Variants in SHISA9 observed in about 807,000 individuals in gnomAD.
SHISA9 encodes shisa family member 9.
In SHISA9, 13 loss-of-function variants were observed where a neutral mutation model predicts 38.0. That is an observed-to-expected ratio of 0.34 (90% CI 0.22 to 0.54). The LOEUF is 0.54. Ranked by LOEUF, SHISA9 falls within the 20% of genes least tolerant of loss-of-function variation. SHISA9 has a pLI of 0.91. For missense variants in SHISA9, 538 were observed against 575.8 expected (o/e 0.93, Z 0.67); for synonymous variants, 275 against 242.0 (o/e 1.14, Z -1.27).
Position 13,240,305 on chromosome 16 carries a change from A to G in SHISA9, c.*4896A>G, listed in dbSNP as rs939837578. ...TTATGATACGAATAATTCTTCCTAC[A>G]ATGAAGAAAAAAACACATTTGTTTG... is the stretch of plus-strand genomic sequence containing the variant. On this transcript the variant is annotated 3_prime_UTR_variant, in exon 5 of 5. Coordinates refer to ENST00000558583, the MANE Select transcript of SHISA9 (RefSeq NM_001145204.3). 1 of 152,256 alleles carries G rather than the reference A, an allele frequency of 6.6e-6. No homozygotes were observed. The highest frequency in any genetic ancestry group is 2.4e-5 in the African/African-American group (1 of 41,470). The allele number at this position is 152,256 out of a possible 1,614,324, so 9.4% of individuals were successfully genotyped here.
At chr16:13,434,583 A>G in the SHISA9 span, among the ~76,000 whole-genome samples, 1 of 151,758 alleles carries the variant, frequency 6.6e-6, no homozygotes, top group African/African-American at 2.4e-5. Flanking sequence ...AAGCCCAGCT[A>G]ATTTTTTTGT....
At chr16:13,222,505 GAC>G (rs1484092954) in intron 4 of SHISA9, among the ~76,000 whole-genome samples, 1 of 152,138 alleles carries the variant, frequency 6.6e-6, no homozygotes, top group Non-Finnish European at 1.5e-5. Context: ...GCAGAAATAG[GAC>G]ACATCACTTT....
intron 2 of SHISA9, among the ~76,000 whole-genome samples, chr16:13,132,269 G>A (rs2050312676): frequency 6.6e-6 from 1 of 152,160 alleles, no homozygotes; most frequent in Admixed American, 6.5e-5. Flanking sequence ...CCAGAAGACT[G>A]TCGGATGAGA....
At chr16:13,325,692 A>T in the SHISA9 span, among the ~76,000 whole-genome samples, 1 of 152,148 alleles carries the variant, frequency 6.6e-6, no homozygotes, top group African/African-American at 2.4e-5. Context: ...CTAAGATGCA[A>T]TCCTTACGCC....
Position 13,235,279 on chromosome 16 carries a change from C to T in SHISA9, c.1145C>T (p.Ala382Val), listed in dbSNP as rs1230392995. The stretch of plus-strand genomic sequence containing the variant: ...AACGAGCAGTCCCTCCGGCGGCAGG[C>T]TTACAGCAACAAGGGCAAGCTTGGC... ...DPNEQSLRRQAYSNKGKLGTA... is the reference protein window; with the variant it reads ...DPNEQSLRRQVYSNKGKLGTA... Residue 382 changes from alanine (A) to valine (V), a missense_variant, in exon 5 of 5, where the codon GCT (alanine) becomes GTT (valine). This residue lies in a region of SHISA9 where 326 missense variants were observed against 305.9 expected (regional missense o/e 1.07). Transcript: ENST00000558583. 1 of 1,551,496 alleles carries T rather than the reference C, an allele frequency of 6.4e-7. No homozygotes were observed. The highest frequency in any genetic ancestry group is 8.7e-7 in the Non-Finnish European group (1 of 1,147,028).
chr16:12,902,654 C>T (rs1391048584), intron 1 of SHISA9, 27 bp downstream of exon 1: 6 of 1,514,532 alleles, frequency 4.0e-6, no homozygotes, highest in East Asian at 2.5e-5. Context: ...TCGCCCTCCC[C>T]TCGGGGCTTC....
Position 12,973,441 on chromosome 16 carries a change from A to G in SHISA9, c.691+56626A>G, listed in dbSNP as rs149502964. Among the ~76,000 whole-genome samples, 582 of 152,330 alleles carry G rather than the reference A, an allele frequency of 3.8e-3. 2 individuals are homozygous for G. The highest frequency in any genetic ancestry group is 0.013 in the African/African-American group (547 of 41,572). On this transcript the variant is annotated intron_variant, in intron 2 of 4. Coordinates refer to ENST00000558583, the MANE Select transcript of SHISA9 (RefSeq NM_001145204.3). ...TAACTTCCATAAAGATATAGGCTAC[A>G]GACTACGCTAGTTAATTCCATTTGG...
At chr16:13,065,254 A>AT (rs986702481) in intron 2 of SHISA9, among the ~76,000 whole-genome samples, 1 of 151,442 alleles carries the variant, frequency 6.6e-6, no homozygotes, top group Non-Finnish European at 1.5e-5. Flanking sequence ...CTTATCACTG[A>AT]TTTTTCTCTC....
chr16:13,542,880 G>T, the SHISA9 span, among the ~76,000 whole-genome samples: 6 of 152,184 alleles, frequency 3.9e-5, no homozygotes, highest in South Asian at 2.1e-4. Flanking sequence ...CATCCCACAG[G>T]TTGGCTTTAC....
At chr16:13,342,893 A>G in the SHISA9 span, among the ~76,000 whole-genome samples, 1 of 152,200 alleles carries the variant, frequency 6.6e-6, no homozygotes, top group Non-Finnish European at 1.5e-5. Context: ...AAACCACAAC[A>G]GAGAAAAACC....
At chr16:12,960,180 C>G (rs11648103) in intron 2 of SHISA9, among the ~76,000 whole-genome samples, 29,339 of 152,208 alleles carry the variant, frequency 0.19, 3,480 homozygotes, top group Middle Eastern at 0.35. Flanking sequence ...ATTATCTCCA[C>G]TTAGACTGCA....
At chr16:13,458,543 C>T in the SHISA9 span, 2 of 426,460 alleles carry the variant, frequency 4.7e-6, no homozygotes, top group Admixed American at 6.0e-5. Flanking sequence ...GTAAAATTAA[C>T]AAATCAAAAT....
At chr16:13,089,189 T>G (rs2073747060) in intron 2 of SHISA9, among the ~76,000 whole-genome samples, 1 of 152,262 alleles carries the variant, frequency 6.6e-6, no homozygotes, top group African/African-American at 2.4e-5. Flanking sequence ...GATGTGCTGC[T>G]GAATTTGGTT....
chr16:13,503,063 G>A, the SHISA9 span, among the ~76,000 whole-genome samples: 2 of 152,114 alleles, frequency 1.3e-5, no homozygotes, highest in Non-Finnish European at 2.9e-5. Context: ...AGTTCTCAAA[G>A]GGAAGGATAT....
rs1227139524 is a variant in SHISA9 at position 13,019,884 on chromosome 16, C to CTTTCT, written c.691+103071_691+103072insTCTTT. On this transcript the variant is annotated intron_variant, in intron 2 of 4. Transcript: ENST00000558583. Reference sequence around the variant, plus strand: ...CCTCCCTCCCTCCCTCCCTCCCTCCCTTCTTTCTTTCTTTCTTTCTTTCTT... The same window carrying CTTTCT: ...CCTCCCTCCCTCCCTCCCTCCCTCCCTTTCTTTCTTTCTTTCTTTCTTTCTTTCTT... 3.4e-3 allele frequency among the ~76,000 whole-genome samples: 72 copies of CTTTCT among 20,912 alleles called. 11 individuals are homozygous for CTTTCT. Among genetic ancestry groups the CTTTCT allele is most frequent in the Non-Finnish European group, 4.9e-3 (52 of 10,664 alleles). The allele number at this position is 20,912 out of a possible 152,430, so 13.7% of individuals were successfully genotyped here.
chr16:13,160,853 C>T (rs1033714205), intron 2 of SHISA9, among the ~76,000 whole-genome samples: 9 of 152,182 alleles, frequency 5.9e-5, no homozygotes, highest in African/African-American at 2.2e-4. Context: ...TCTGCTGCGT[C>T]TGGCTGAGAC....
At chr16:12,927,560 G>A (rs1325706769) in intron 2 of SHISA9, among the ~76,000 whole-genome samples, 3 of 151,746 alleles carry the variant, frequency 2.0e-5, no homozygotes, top group Non-Finnish European at 4.4e-5. Flanking sequence ...AATCATGTCA[G>A]CTAATTTTTT....
intron 2 of SHISA9, among the ~76,000 whole-genome samples, chr16:12,960,561 A>G (rs1162495237): frequency 6.6e-6 from 1 of 152,206 alleles, no homozygotes; most frequent in Non-Finnish European, 1.5e-5. Context: ...TGTGGTACAT[A>G]TACACCATGG....
the SHISA9 span, among the ~76,000 whole-genome samples, chr16:13,252,576 C>T: frequency 1.3e-5 from 2 of 152,214 alleles, no homozygotes; most frequent in Non-Finnish European, 2.9e-5. Context: ...ATTTCACCTT[C>T]TCAGTGAGGC....
Sources: allele counts gnomAD v4.1 joint callset (sites outside exome capture counted in the v4.1 genomes callset), GRCh38; gene constraint gnomAD v4.1.1; regional missense constraint gnomAD v4.1.1; transcripts MANE v1.5; gene names NCBI Gene and HGNC (gene_info 2026-07-23, HGNC 2026-07-21).